The following GRIA1 variants were observed in gnomAD, a reference collection of about 807,000 sequenced individuals.
GRIA1 encodes the protein glutamate ionotropic receptor AMPA type subunit 1, also known as glutamate receptor 1.
Under a neutral mutation model 99.2 loss-of-function variants are expected in GRIA1, and 31 were observed. That is an observed-to-expected ratio of 0.31 (90% CI 0.23 to 0.42). The LOEUF is 0.42. Among genes scored for constraint, GRIA1 ranks in the 10% least tolerant of loss-of-function variants. The probability of loss-of-function intolerance (pLI) is 1.00; values close to 1 mark genes in which losing one functional copy is unlikely to be tolerated. For synonymous variants in GRIA1, 438 were observed against 432.4 expected (o/e 1.01, Z -0.16); for missense variants, 782 against 1,157.5 (o/e 0.68, Z 4.71).
intron 5 of GRIA1, among the ~76,000 whole-genome samples, chr5:153,662,452 A>G (rs1277688300): frequency 6.6e-6 from 1 of 152,118 alleles, no homozygotes; most frequent in Non-Finnish European, 1.5e-5. Flanking sequence ...ATGGCCACCT[A>G]CCCTGTCACA....
intron 2 of GRIA1, among the ~76,000 whole-genome samples, chr5:153,541,830 T>C (rs1759127198): frequency 6.8e-6 from 1 of 146,418 alleles, no homozygotes; most frequent in Non-Finnish European, 1.5e-5. Context: ...CTTGAGAGGC[T>C]GAGGCAGGAG....
rs144464618 is a variant in GRIA1 at position 153,498,513 on chromosome 5, G to A, written c.220+4448G>A. Reference sequence around the variant, plus strand: ...AGAGCCTCAATGACAATAGGTGAAAGGTAGCAACCCTAACTACAGTGGGAT... The same window carrying A: ...AGAGCCTCAATGACAATAGGTGAAAAGTAGCAACCCTAACTACAGTGGGAT... On this transcript the variant is annotated intron_variant, in intron 2 of 15. Coordinates refer to ENST00000285900, the MANE Select transcript of GRIA1 (RefSeq NM_000827.4). Among the ~76,000 whole-genome samples, 851 of 152,252 alleles carry A rather than the reference G, an allele frequency of 5.6e-3. 12 individuals are homozygous for A. Among genetic ancestry groups the A allele is most frequent in the African/African-American group, 0.019 (809 of 41,536 alleles).
At chr5:153,626,488 A>G (rs62384390) in intron 2 of GRIA1, among the ~76,000 whole-genome samples, 6,141 of 81,004 alleles carry the variant, frequency 0.076, 154 homozygotes, top group Non-Finnish European at 0.11. Context: ...GTGTGTGTGT[A>G]TGTGTTGTGC....
intron 8 of GRIA1, among the ~76,000 whole-genome samples, chr5:153,687,413 A>G (rs1244287116): frequency 6.6e-6 from 1 of 152,214 alleles, no homozygotes; most frequent in East Asian, 1.9e-4. Context: ...TCATAGGGTC[A>G]TTGAGAGGAT....
rs368284670 is a variant in GRIA1, at chr5:153,764,461, C to T, written c.1851C>T (p.Gly617=). 1.5e-5 allele frequency: 24 copies of T among 1,613,788 alleles called. No individual in the cohort carries two copies. The highest frequency in any genetic ancestry group is 5.3e-5 in the African/African-American group (4 of 74,910). The change falls in exon 12 of 16, where the codon GGC becomes GGT. Residue 617 remains glycine (G), a synonymous_variant. Transcript: ENST00000285900. The stretch of plus-strand genomic sequence containing the variant: ...CCCTGTCTGGTCGCATCGTTGGTGG[C>T]GTCTGGTGGTTCTTCACCTTAATCA... ...PRSLSGRIVG[G]VWWFFTLIII...
intron 11 of GRIA1, among the ~76,000 whole-genome samples, chr5:153,730,324 C>T (rs939194680): frequency 1.3e-5 from 2 of 152,052 alleles, no homozygotes; most frequent in African/African-American, 4.8e-5. Flanking sequence ...CTTGCCCACC[C>T]CTATAACTCC....
At chr5:153,489,834 CTGTG>C (rs577217564), upstream of GRIA1, 189 of 456,626 alleles carry the variant, frequency 4.1e-4, no homozygotes, top group African/African-American at 3.5e-3. Flanking sequence ...TGTAATTGCT[CTGTG>C]TAAGTATCCT....
chr5:153,747,734 A>C (rs1762252665), intron 11 of GRIA1, among the ~76,000 whole-genome samples: 1 of 152,220 alleles, frequency 6.6e-6, no homozygotes, highest in Non-Finnish European at 1.5e-5. Flanking sequence ...GAGCCCAGTT[A>C]CGTGACATCT....
intron 2 of GRIA1, among the ~76,000 whole-genome samples, chr5:153,529,834 T>C (rs1483156873): frequency 6.6e-6 from 1 of 152,132 alleles, no homozygotes; most frequent in Non-Finnish European, 1.5e-5. Context: ...AAGAGCAGTT[T>C]TCTGGAATTC....
chr5:153,687,960 AG>A (rs1313864571), intron 8 of GRIA1, among the ~76,000 whole-genome samples: 1 of 152,254 alleles, frequency 6.6e-6, no homozygotes, highest in Non-Finnish European at 1.5e-5. Context: ...AGTGTTGGCA[AG>A]GTCATGTTTC....
intron 15 of GRIA1, among the ~76,000 whole-genome samples, chr5:153,804,195 C>G (rs1461107995): frequency 2.0e-5 from 3 of 152,138 alleles, no homozygotes; most frequent in Non-Finnish European, 2.9e-5. Context: ...CACCAGGGAC[C>G]TAGGAACACC....
intron 11 of GRIA1, among the ~76,000 whole-genome samples, chr5:153,751,498 C>T (rs1762510822): frequency 6.6e-6 from 1 of 152,378 alleles, no homozygotes; most frequent in South Asian, 2.1e-4. Context: ...GGAACACAGC[C>T]ATGCACTTGC....
chr5:153,770,526 G>A, intron 13 of GRIA1, 111 bp downstream of exon 13: 1 of 1,042,364 alleles, frequency 9.6e-7, no homozygotes, highest in Non-Finnish European at 1.4e-6. Context: ...GCTGTTGAGG[G>A]GGCTCTTCTT....
At chr5:153,776,742 G>A (rs1050257293) in intron 13 of GRIA1, among the ~76,000 whole-genome samples, 3 of 152,204 alleles carry the variant, frequency 2.0e-5, no homozygotes, top group Non-Finnish European at 2.9e-5. Flanking sequence ...TAAAGAAAAG[G>A]AGGGTGGTTA....
Position 153,811,027 on chromosome 5 carries a change from T to G in GRIA1, c.2523T>G (p.Gly841=). ...GAACCCCCGGTCCTCCTGAAAAGGG[T>G]TTTTGTTTGATCCCACAGCAATCCA... ...KSRSESKRMK[G]FCLIPQQSIN... is the part of the protein sequence containing the mutation. The change falls in exon 16 of 16, where the codon GGT becomes GGG. Residue 841 remains glycine (G), a splice_region_variant and synonymous_variant. Coordinates refer to ENST00000285900, the MANE Select transcript of GRIA1 (RefSeq NM_000827.4). 6.2e-7 allele frequency: 1 copy of G among 1,613,026 alleles called. No homozygotes were observed. Among genetic ancestry groups the G allele is most frequent in the South Asian group, 1.1e-5 (1 of 91,018 alleles).
intron 5 of GRIA1, among the ~76,000 whole-genome samples, chr5:153,672,021 CA>C (rs1756220961): frequency 6.6e-6 from 1 of 152,132 alleles, no homozygotes. Context: ...GATTCAAGTA[CA>C]AGGGGCTTCT....
At chr5:153,665,387 C>A (rs1178567854) in intron 5 of GRIA1, among the ~76,000 whole-genome samples, 1 of 152,126 alleles carries the variant, frequency 6.6e-6, no homozygotes, top group Non-Finnish European at 1.5e-5. Flanking sequence ...ATGCTTTTTT[C>A]TTCTCAATAT....
At chr5:153,802,586 G>A (rs1399606707) in intron 15 of GRIA1, 96 bp downstream of exon 15, 11 of 1,256,232 alleles carry the variant, frequency 8.8e-6, no homozygotes, top group Admixed American at 5.1e-5. Context: ...GGAATGACAG[G>A]TGGTTGAGGT....
At chr5:153,682,725 TGAGCCCAATCTCTCTCCACCTCTGCAA>T (rs1757065619) in intron 7 of GRIA1, among the ~76,000 whole-genome samples, 1 of 152,198 alleles carries the variant, frequency 6.6e-6, no homozygotes. Flanking sequence ...TATTCAGAGT[TGAGCCCAATCTCTCTCCACCTCTGCAA>T]GACCCATTGC....
Sources: allele counts gnomAD v4.1 joint callset (sites outside exome capture counted in the v4.1 genomes callset), GRCh38; gene constraint gnomAD v4.1.1; transcripts MANE v1.5; gene names NCBI Gene and HGNC (gene_info 2026-07-23, HGNC 2026-07-21).